The following MAP4K4 variants were observed in gnomAD, a reference collection of about 807,000 sequenced individuals.
The protein encoded by MAP4K4 is mitogen-activated protein kinase kinase kinase kinase 4.
Under a neutral mutation model 189.6 loss-of-function variants are expected in MAP4K4, and 38 were observed. The ratio of observed to expected loss-of-function variants is 0.20; its 90% CI spans 0.15 to 0.26. The LOEUF (loss-of-function observed/expected upper bound fraction) is 0.26, where lower values mean the gene tolerates loss of function less well. MAP4K4 is among the 10% of genes least tolerant of loss of function. The pLI, the probability that MAP4K4 is intolerant of heterozygous loss-of-function variation, is 1.00. For synonymous variants in MAP4K4, 610 were observed against 624.3 expected (o/e 0.98, Z 0.34); for missense variants, 1,054 against 1,726.9 (o/e 0.61, Z 6.91).
chr2:101,814,038 G>A (rs1559042584), intron 3 of MAP4K4, among the ~76,000 whole-genome samples: 1 of 152,152 alleles, frequency 6.6e-6, no homozygotes, highest in Non-Finnish European at 1.5e-5. Flanking sequence ...GTAGGGAGGT[G>A]ATATTTAATT....
chr2:101,888,150 T>C (rs2150323404), intron 31 of MAP4K4, among the ~76,000 whole-genome samples: 1 of 152,342 alleles, frequency 6.6e-6, no homozygotes, highest in East Asian at 1.9e-4. Flanking sequence ...TTTTCTACTT[T>C]AAAAACTCTA....
chr2:101,885,324 C>T, intron 29 of MAP4K4, 37 bp downstream of exon 29: 1 of 1,236,686 alleles, frequency 8.1e-7, no homozygotes, highest in Middle Eastern at 1.9e-4. Flanking sequence ...TAGTATTGGC[C>T]ATTCAAGCTG....
At position 101,808,361 on chromosome 2, in the gene MAP4K4, G is replaced by A. The variant is rs187753219; in HGVS notation, c.181-15567G>A. Among the ~76,000 whole-genome samples, 257 of 152,274 alleles carry A rather than the reference G, an allele frequency of 1.7e-3. 1 individual carries two copies. Among genetic ancestry groups the A allele is most frequent in the African/African-American group, 4.5e-3 (186 of 41,538 alleles). On this transcript the variant is annotated intron_variant, in intron 3 of 32. Transcript: ENST00000324219. The stretch of plus-strand genomic sequence containing the variant: ...TGGGCAGCTCCTGGCTCTTAACACC[G>A]AAGAATTCATGGATTCTTGCTGCTT...
At chr2:101,814,692 A>G (rs973865540) in intron 3 of MAP4K4, among the ~76,000 whole-genome samples, 1 of 152,214 alleles carries the variant, frequency 6.6e-6, no homozygotes, top group African/African-American at 2.4e-5. Context: ...ATATCATGAC[A>G]TTTGAAAGAT....
At chr2:101,750,237 A>G (rs1347243264) in intron 2 of MAP4K4, among the ~76,000 whole-genome samples, 2 of 144,402 alleles carry the variant, frequency 1.4e-5, no homozygotes, top group Non-Finnish European at 3.0e-5. Context: ...ATTATTCACA[A>G]TAGCAAAGAC....
At chr2:101,762,216 A>C (rs1418996636) in intron 2 of MAP4K4, among the ~76,000 whole-genome samples, 1 of 152,240 alleles carries the variant, frequency 6.6e-6, no homozygotes, top group African/African-American at 2.4e-5. Flanking sequence ...TCCCACATTT[A>C]AAGGCACCTC....
rs1178577572 is a variant in MAP4K4, at chr2:101,871,273, G to A, written c.2761-221G>A. ...AGATAAACCAGATTAAACACTCACT[G>A]CTCGAGCCGTGCAGCCACCAGATTA... is the stretch of plus-strand genomic sequence containing the variant. On this transcript the variant is annotated intron_variant, in intron 23 of 32. Coordinates refer to ENST00000324219, the Ensembl canonical transcript of MAP4K4. 3.3e-5 allele frequency among the ~76,000 whole-genome samples: 5 copies of A among 152,308 alleles called. No homozygotes were observed. In the East Asian group the frequency reaches 7.7e-4, roughly 23 times the overall value.
intron 3 of MAP4K4, among the ~76,000 whole-genome samples, chr2:101,800,998 C>G (rs752524745): frequency 6.7e-6 from 1 of 149,800 alleles, no homozygotes; most frequent in African/African-American, 2.5e-5. Flanking sequence ...TAAAAAAAAT[C>G]GCCCAACAAA....
intron 2 of MAP4K4, among the ~76,000 whole-genome samples, chr2:101,745,438 T>TAAAA (rs10678749): frequency 2.0e-4 from 18 of 91,678 alleles, no homozygotes; most frequent in Admixed American, 1.4e-3. Flanking sequence ...TGCCCCCAGG[T>TAAAA]AAAAAAAAAA....
chr2:101,775,737 C>T (rs1286395928), intron 2 of MAP4K4, among the ~76,000 whole-genome samples: 1 of 152,156 alleles, frequency 6.6e-6, no homozygotes, highest in African/African-American at 2.4e-5. Flanking sequence ...CCGAGGCAGC[C>T]CTGGTTCACA....
intron 2 of MAP4K4, among the ~76,000 whole-genome samples, chr2:101,767,482 C>T (rs758554507): frequency 7.9e-5 from 12 of 152,196 alleles, no homozygotes; most frequent in Non-Finnish European, 1.6e-4. Context: ...CACAAAGACT[C>T]TTCCTTCTGT....
chr2:101,850,341 C>T (rs1576738626), intron 12 of MAP4K4, among the ~76,000 whole-genome samples: 3 of 152,150 alleles, frequency 2.0e-5, no homozygotes, highest in Non-Finnish European at 4.4e-5. Context: ...TAAATTGTAA[C>T]ACTAGGAAAA....
chr2:101,745,508 A>G (rs980545914), intron 2 of MAP4K4, among the ~76,000 whole-genome samples: 9 of 150,270 alleles, frequency 6.0e-5, no homozygotes, highest in African/African-American at 2.2e-4. Flanking sequence ...TCTATATTTT[A>G]TATAGCTACC....
intron 2 of MAP4K4, among the ~76,000 whole-genome samples, chr2:101,779,970 A>C (rs891273428): frequency 6.6e-6 from 1 of 152,226 alleles, no homozygotes; most frequent in Non-Finnish European, 1.5e-5. Context: ...TATGTCTTCT[A>C]AACCGTGCTA....
chr2:101,868,295 G>T (rs1281156147), intron 21 of MAP4K4, among the ~76,000 whole-genome samples: 1 of 152,160 alleles, frequency 6.6e-6, no homozygotes, highest in Non-Finnish European at 1.5e-5. Context: ...AAGACTCAGA[G>T]CCCATCACTG....
intron 3 of MAP4K4, among the ~76,000 whole-genome samples, chr2:101,808,870 G>A (rs377251003): frequency 8.6e-5 from 13 of 151,756 alleles, no homozygotes; most frequent in South Asian, 2.1e-4. Context: ...GTAAAATAAT[G>A]TACTCATCTA....
chr2:101,788,141 A>G (rs1226775080), intron 2 of MAP4K4, among the ~76,000 whole-genome samples: 1 of 150,748 alleles, frequency 6.6e-6, no homozygotes, highest in African/African-American at 2.4e-5. Context: ...TTATTTTAGC[A>G]CCCCATTCCC....
chr2:101,707,768 G>T (rs191813910), intron 2 of MAP4K4, among the ~76,000 whole-genome samples: 35 of 147,804 alleles, frequency 2.4e-4, no homozygotes, highest in Admixed American at 2.3e-3. Flanking sequence ...TCGGCTCACT[G>T]CAAGTTCTGC....
chr2:101,867,872 G>A (rs1324519044), intron 20 of MAP4K4, 157 bp from the exon 21 acceptor site: 14 of 691,358 alleles, frequency 2.0e-5, no homozygotes, highest in Non-Finnish European at 3.3e-5. Flanking sequence ...AATTGTGCAC[G>A]CTTTGTGGAA....
Sources: allele counts gnomAD v4.1 joint callset (sites outside exome capture counted in the v4.1 genomes callset), GRCh38; gene constraint gnomAD v4.1.1; transcripts MANE v1.5; gene names NCBI Gene and HGNC (gene_info 2026-07-23, HGNC 2026-07-21).